The following TBX15 variants were observed in gnomAD, a reference collection of about 807,000 sequenced individuals.
TBX15 encodes the protein T-box transcription factor TBX15.
In TBX15, 18 loss-of-function variants were observed where a neutral mutation model predicts 53.9. That is an observed-to-expected ratio of 0.33 (90% CI 0.23 to 0.49). The LOEUF (loss-of-function observed/expected upper bound fraction) is 0.49, where lower values mean the gene tolerates loss of function less well. Among genes scored for constraint, TBX15 ranks in the 20% least tolerant of loss-of-function variants. The pLI, the probability that TBX15 is intolerant of heterozygous loss-of-function variation, is 0.98. For synonymous variants in TBX15, 295 were observed against 278.0 expected (o/e 1.06, Z -0.61); for missense variants, 692 against 749.5 (o/e 0.92, Z 0.90).
In TBX15 at chr1:118,987,913, G is replaced by A; in HGVS notation, c.-118C>T. 7.7e-7 allele frequency: 1 copy of A among 1,292,490 alleles called. No homozygotes were observed. Among genetic ancestry groups the A allele is most frequent in the Non-Finnish European group, 1.1e-6 (1 of 948,472 alleles). 80.1% of individuals were successfully genotyped at this position (1,292,490 alleles called of 1,614,324 possible). A position where few individuals can be genotyped will look rare whatever the true frequency, so the allele number is the denominator to read the frequency against. On this transcript the variant is annotated 5_prime_UTR_variant, in exon 1 of 8. Coordinates refer to ENST00000369429, the MANE Select transcript of TBX15 (RefSeq NM_001330677.2). ...GGAGAGGCGGAGGCGCGTCGGACGA[G>A]GCTGAGACTGCGGCTCGCGGGTCTC...
chr1:118,893,326 G>GGA (rs1557872418), intron 7 of TBX15, among the ~76,000 whole-genome samples: 15 of 90,542 alleles, frequency 1.7e-4, no homozygotes, highest in African/African-American at 6.8e-4. Context: ...AAGAAAGAAA[G>GGA]AAGAAAGAAG....
chr1:118,918,703 G>A (rs114241102), intron 5 of TBX15, among the ~76,000 whole-genome samples: 3,744 of 152,212 alleles, frequency 0.025, 65 homozygotes, highest in Admixed American at 0.046. Context: ...GGTGGTTGCC[G>A]ACTTGCCACC....
chr1:118,969,825 A>G (rs1200734219), intron 1 of TBX15, among the ~76,000 whole-genome samples: 1 of 152,242 alleles, frequency 6.6e-6, no homozygotes, highest in Non-Finnish European at 1.5e-5. Context: ...CTCTTTTCCC[A>G]TGCTTGGAGC....
At chr1:118,979,777 C>G (rs781041075) in intron 1 of TBX15, among the ~76,000 whole-genome samples, 1 of 151,804 alleles carries the variant, frequency 6.6e-6, no homozygotes, top group Non-Finnish European at 1.5e-5. Flanking sequence ...TCCCGGGTTT[C>G]CAGGGTCCCG....
At chr1:118,886,652 AG>A (rs1439785679) in intron 7 of TBX15, among the ~76,000 whole-genome samples, 1 of 152,218 alleles carries the variant, frequency 6.6e-6, no homozygotes, top group Non-Finnish European at 1.5e-5. Context: ...CTCATTTCTA[AG>A]TACTCAGAAT....
chr1:118,943,500 G>A (rs1381632633), intron 1 of TBX15, among the ~76,000 whole-genome samples: 1 of 152,156 alleles, frequency 6.6e-6, no homozygotes, highest in Non-Finnish European at 1.5e-5. Flanking sequence ...CACAATATCT[G>A]AGAAAGAAAG....
chr1:118,893,405 G>A (rs1654250443), intron 7 of TBX15, among the ~76,000 whole-genome samples: 1 of 125,632 alleles, frequency 8.0e-6, no homozygotes, highest in South Asian at 2.6e-4. Context: ...AAGAAAGAAA[G>A]AAAGGAAGAA....
chr1:118,892,998 C>T (rs761752770), intron 7 of TBX15, among the ~76,000 whole-genome samples: 50 of 152,008 alleles, frequency 3.3e-4, no homozygotes, highest in Non-Finnish European at 2.5e-4. Context: ...TTTGGGAGGC[C>T]AAAGTGGGCA....
At chr1:118,954,961 G>A (rs1656632698) in intron 1 of TBX15, among the ~76,000 whole-genome samples, 1 of 152,250 alleles carries the variant, frequency 6.6e-6, no homozygotes, top group Admixed American at 6.5e-5. Context: ...ATTACAATAT[G>A]TCAAGCTTCA....
At chr1:118,962,436 G>A (rs1000859710) in intron 1 of TBX15, among the ~76,000 whole-genome samples, 1 of 151,874 alleles carries the variant, frequency 6.6e-6, no homozygotes, top group Non-Finnish European at 1.5e-5. Context: ...ACTTACTCTT[G>A]TCTCTGTGGC....
intron 7 of TBX15, among the ~76,000 whole-genome samples, chr1:118,888,091 AT>A (rs1469671600): frequency 2.0e-5 from 3 of 152,188 alleles, no homozygotes; most frequent in Non-Finnish European, 4.4e-5. Flanking sequence ...AAGTAAAATG[AT>A]TTTTATTCCA....
rs1480130983 is a variant in TBX15, at chr1:118,884,073, C to T, written c.*659G>A. ...CCAAAGTTCAAAAGCAATCTTTTTC[C>T]GGAAGCCAAGTCCAGTTGTACTGAT... is the stretch of plus-strand genomic sequence containing the variant. On this transcript the variant is annotated 3_prime_UTR_variant, in exon 8 of 8. Transcript: ENST00000369429. 1.3e-5 allele frequency: 2 copies of T among 153,226 alleles called. No individual in the cohort carries two copies. The highest frequency in any genetic ancestry group is 2.9e-5 in the Non-Finnish European group (2 of 68,540). 9.5% of individuals were successfully genotyped at this position (153,226 alleles called of 1,614,324 possible). A position where few individuals can be genotyped will look rare whatever the true frequency, so the allele number is the denominator to read the frequency against.
At chr1:118,894,069 T>G (rs1289969121) in intron 7 of TBX15, among the ~76,000 whole-genome samples, 6 of 152,120 alleles carry the variant, frequency 3.9e-5, no homozygotes, top group Non-Finnish European at 8.8e-5. Flanking sequence ...CAAAGACAGA[T>G]AGCACTAAGC....
intron 1 of TBX15, among the ~76,000 whole-genome samples, chr1:118,942,586 T>A (rs889028919): frequency 6.6e-6 from 1 of 152,172 alleles, no homozygotes; most frequent in Non-Finnish European, 1.5e-5. Context: ...CCTCCTGACA[T>A]CATAACCTGA....
intron 7 of TBX15, among the ~76,000 whole-genome samples, chr1:118,889,475 G>T (rs942620133): frequency 2.0e-5 from 3 of 152,214 alleles, no homozygotes; most frequent in Non-Finnish European, 4.4e-5. Context: ...ATACAGGAGG[G>T]TCAGAGCTGC....
At chr1:118,983,107 A>G (rs1421256748) in intron 1 of TBX15, among the ~76,000 whole-genome samples, 3 of 152,136 alleles carry the variant, frequency 2.0e-5, no homozygotes, top group Non-Finnish European at 4.4e-5. Context: ...CAGCAAAAGG[A>G]GAGACCCGCA....
rs570509427 is a variant in TBX15 at position 118,891,663 on chromosome 1, T to C, written c.1025-6147A>G. ...TTTGGTAGAAATCTTAGGAGAAAGG[T>C]ACATGCCTTTTCCCATCAGATTTAA... On this transcript the variant is annotated intron_variant, in intron 7 of 7. Transcript: ENST00000369429. 9.8e-5 allele frequency among the ~76,000 whole-genome samples: 15 copies of C among 152,320 alleles called. No homozygotes were observed. The East Asian group carries it at 2.7e-3, about 27-fold the overall frequency.
intron 1 of TBX15, among the ~76,000 whole-genome samples, chr1:118,950,504 C>T (rs1009608458): frequency 6.6e-6 from 1 of 152,194 alleles, no homozygotes; most frequent in Non-Finnish European, 1.5e-5. Flanking sequence ...CATGTTGGAC[C>T]ATTAAAGTAT....
chr1:118,896,496 C>A (rs1328125913), intron 7 of TBX15, among the ~76,000 whole-genome samples: 1 of 152,118 alleles, frequency 6.6e-6, no homozygotes, highest in East Asian at 1.9e-4. Context: ...TCACCAGTAG[C>A]AGCACAAAAC....
Sources: allele counts gnomAD v4.1 joint callset (sites outside exome capture counted in the v4.1 genomes callset), GRCh38; gene constraint gnomAD v4.1.1; transcripts MANE v1.5; gene names NCBI Gene and HGNC (gene_info 2026-07-23, HGNC 2026-07-21).